The following LTBP1 variants were observed in gnomAD, a reference collection of about 807,000 sequenced individuals.
LTBP1 encodes latent-transforming growth factor beta-binding protein 1.
Under a neutral mutation model 207.6 loss-of-function variants are expected in LTBP1, and 129 were observed. The observed-to-expected ratio is 0.62, with a 90% CI of 0.54 to 0.72. The LOEUF (loss-of-function observed/expected upper bound fraction) is 0.72. LTBP1 is among the 30% of genes least tolerant of loss of function. The pLI is 0.00. For missense variants in LTBP1, 2,281 were observed against 2,217.2 expected (o/e 1.03, Z -0.58); for synonymous variants, 963 against 833.7 (o/e 1.16, Z -2.67).
intron 5 of LTBP1, among the ~76,000 whole-genome samples, chr2:33,174,954 A>G (rs2085872937): frequency 6.6e-6 from 1 of 151,938 alleles, no homozygotes; most frequent in Non-Finnish European, 1.5e-5. Flanking sequence ...GGCTAGCCAT[A>G]TGTAGAAAGC....
chr2:33,109,306 C>T (rs570331041), intron 3 of LTBP1, among the ~76,000 whole-genome samples: 8 of 152,312 alleles, frequency 5.3e-5, no homozygotes, highest in African/African-American at 1.9e-4. Flanking sequence ...CATTTCTTCC[C>T]CTTGTTCAGA....
chr2:33,094,467 C>G (rs2079279485), intron 3 of LTBP1, among the ~76,000 whole-genome samples: 1 of 152,162 alleles, frequency 6.6e-6, no homozygotes, highest in Non-Finnish European at 1.5e-5. Context: ...AGTTTCCTCA[C>G]CTGTAGAATG....
intron 3 of LTBP1, among the ~76,000 whole-genome samples, chr2:33,052,190 C>T (rs1165750622): frequency 2.0e-5 from 3 of 152,202 alleles, no homozygotes; most frequent in Non-Finnish European, 1.5e-5. Context: ...CCACGTCATT[C>T]GACCGTTGCT....
chr2:33,202,362 A>G (rs1437768951), intron 7 of LTBP1, among the ~76,000 whole-genome samples: 1 of 152,190 alleles, frequency 6.6e-6, no homozygotes, highest in African/African-American at 2.4e-5. Flanking sequence ...GGGTCGATGC[A>G]GATGAGATGG....
At position 33,365,425 on chromosome 2, in the gene LTBP1, A is replaced by G; in HGVS notation, c.4633A>G (p.Thr1545Ala). The change falls in exon 31 of 34, where the codon ACA becomes GCA. Residue 1545 changes from threonine to alanine, a missense_variant. Around this residue, in one of 3 missense-constraint regions of LTBP1, gnomAD observed 1,671 missense variants for 1,634.8 expected, o/e 1.02. Transcript: ENST00000404816. Reference protein sequence around the residue: ...VCSRPLVGKQTTYTECCCLYG... With the variant: ...VCSRPLVGKQATYTECCCLYG... ...TAGCCGGCCTCTTGTGGGCAAGCAG[A>G]CAACGTACACTGAGTGCTGCTGTCT... The G allele has an allele frequency of 6.2e-7, 1 of 1,614,204 alleles. No individual in the cohort carries two copies. The highest frequency in any genetic ancestry group is 8.5e-7 in the Non-Finnish European group (1 of 1,180,044).
At chr2:33,253,533 G>A (rs1301042244) in intron 11 of LTBP1, among the ~76,000 whole-genome samples, 1 of 152,160 alleles carries the variant, frequency 6.6e-6, no homozygotes, top group Non-Finnish European at 1.5e-5. Context: ...AATGTAACCT[G>A]AAAGCGTTAG....
intron 9 of LTBP1, among the ~76,000 whole-genome samples, chr2:33,243,206 C>T (rs1385647483): frequency 6.6e-6 from 1 of 152,214 alleles, no homozygotes; most frequent in Non-Finnish European, 1.5e-5. Flanking sequence ...TCTGTATAGG[C>T]AATTTCATAA....
rs562925974 is a variant in LTBP1, at chr2:33,147,458, G to A, written c.1201+12498G>A. On this transcript the variant is annotated intron_variant, in intron 5 of 33. Coordinates refer to ENST00000404816, the MANE Select transcript of LTBP1 (RefSeq NM_206943.4). ...TGTGGATCACTCTGTGAGTTGTAAA[G>A]GTCTAAACTATTATTAATCCACTCT... 1.4e-4 allele frequency among the ~76,000 whole-genome samples: 22 copies of A among 152,230 alleles called. No individual in the cohort carries two copies. In the South Asian group the frequency reaches 2.1e-3, roughly 14 times the overall value.
chr2:33,217,803 A>T, intron 8 of LTBP1, 149 bp downstream of exon 8: 1 of 563,298 alleles, frequency 1.8e-6, no homozygotes, highest in Non-Finnish European at 3.1e-6. Flanking sequence ...TTTCCAGAAA[A>T]TTTGCAAGTC....
intron 7 of LTBP1, among the ~76,000 whole-genome samples, chr2:33,212,233 T>C (rs764506269): frequency 5.3e-5 from 8 of 152,374 alleles, no homozygotes; most frequent in East Asian, 1.9e-4. Flanking sequence ...CCAGGAATCA[T>C]GACCAGTGCA....
intron 4 of LTBP1, among the ~76,000 whole-genome samples, chr2:33,117,881 GA>G (rs2080850078): frequency 6.6e-6 from 1 of 152,200 alleles, no homozygotes; most frequent in Non-Finnish European, 1.5e-5. Context: ...GGAGCCATTT[GA>G]AAATGCTGTT....
At chr2:33,293,832 A>C (rs72799729) in intron 20 of LTBP1, among the ~76,000 whole-genome samples, 2,478 of 152,252 alleles carry the variant, frequency 0.016, 26 homozygotes, top group Non-Finnish European at 0.025. Flanking sequence ...TATACCTACC[A>C]TAAGTGTTTT....
intron 22 of LTBP1, among the ~76,000 whole-genome samples, chr2:33,302,454 T>C (rs2094003910): frequency 6.6e-6 from 1 of 152,200 alleles, no homozygotes; most frequent in African/African-American, 2.4e-5. Context: ...AATGGTTTCA[T>C]GACACACACA....
chr2:33,297,476 G>T (rs1299568130), intron 20 of LTBP1, among the ~76,000 whole-genome samples: 1 of 151,590 alleles, frequency 6.6e-6, no homozygotes, highest in Non-Finnish European at 1.5e-5. Context: ...TTGTCGCCCA[G>T]GCTGGAGTGC....
chr2:33,076,148 G>A (rs1027447877), intron 3 of LTBP1, among the ~76,000 whole-genome samples: 14 of 152,288 alleles, frequency 9.2e-5, no homozygotes, highest in South Asian at 8.3e-4. Context: ...GAGCAGGATC[G>A]GGAGCTCACC....
At chr2:33,133,378 A>G (rs1453890714) in intron 4 of LTBP1, among the ~76,000 whole-genome samples, 1 of 152,162 alleles carries the variant, frequency 6.6e-6, no homozygotes, top group Non-Finnish European at 1.5e-5. Context: ...CACTCCAGTC[A>G]TGGAGTGGCG....
intron 22 of LTBP1, among the ~76,000 whole-genome samples, chr2:33,304,178 C>G (rs2094046148): frequency 6.6e-6 from 1 of 152,150 alleles, no homozygotes; most frequent in African/African-American, 2.4e-5. Context: ...AATATATAAT[C>G]AGGCCCTTTT....
chr2:33,314,945 C>T (rs746032959), intron 23 of LTBP1, among the ~76,000 whole-genome samples, 199 bp from the exon 24 acceptor site: 43 of 152,184 alleles, frequency 2.8e-4, no homozygotes, highest in Non-Finnish European at 5.3e-4. Flanking sequence ...TGTACATTGG[C>T]TATTTCCTAA....
intron 2 of LTBP1, among the ~76,000 whole-genome samples, chr2:33,007,507 G>A (rs1006077900): frequency 6.6e-6 from 1 of 152,210 alleles, no homozygotes; most frequent in African/African-American, 2.4e-5. Flanking sequence ...CACTCACGTA[G>A]CATTTTATTT....
Sources: allele counts gnomAD v4.1 joint callset (sites outside exome capture counted in the v4.1 genomes callset), GRCh38; gene constraint gnomAD v4.1.1; regional missense constraint gnomAD v4.1.1; transcripts MANE v1.5; gene names NCBI Gene and HGNC (gene_info 2026-07-23, HGNC 2026-07-21).